The following OPCML variants were observed in gnomAD, a reference collection of about 807,000 sequenced individuals.
OPCML encodes opioid-binding protein/cell adhesion molecule.
A neutral mutation model predicts 37.8 loss-of-function variants in OPCML; 13 were observed. The ratio of observed to expected loss-of-function variants is 0.34; its 90% CI spans 0.22 to 0.55. The LOEUF is 0.55. Among genes scored for constraint, OPCML ranks in the 20% least tolerant of loss-of-function variants. The pLI is 0.91. For synonymous variants in OPCML, 176 were observed against 168.8 expected (o/e 1.04, Z -0.33); for missense variants, 341 against 435.6 (o/e 0.78, Z 1.93).
At chr11:133,345,102 A>G (rs1943966517) in intron 1 of OPCML, among the ~76,000 whole-genome samples, 1 of 152,156 alleles carries the variant, frequency 6.6e-6, no homozygotes, top group Non-Finnish European at 1.5e-5. Context: ...TATATCAAGC[A>G]CAGAGGCCTA....
intron 7 of OPCML, among the ~76,000 whole-genome samples, chr11:132,423,727 A>ATT (rs1026418173): frequency 1.8e-4 from 28 of 152,318 alleles, no homozygotes; most frequent in African/African-American, 6.5e-4. Context: ...GGTTGCTGCA[A>ATT]TTTAAGTAAT....
At chr11:133,306,504 T>C (rs1942922807) in intron 1 of OPCML, among the ~76,000 whole-genome samples, 1 of 152,182 alleles carries the variant, frequency 6.6e-6, no homozygotes, top group East Asian at 1.9e-4. Context: ...GTATAAAATA[T>C]GAGTTTTGAA....
Position 132,476,056 on chromosome 11 carries a change from G to T in OPCML, c.506-38697C>A, listed in dbSNP as rs115807150. Among the ~76,000 whole-genome samples, 1,259 of 152,162 alleles carry T rather than the reference G, an allele frequency of 8.3e-3. 8 individuals are homozygous for T. Among genetic ancestry groups the T allele is most frequent in the African/African-American group, 0.028 (1,163 of 41,508 alleles). On this transcript the variant is annotated intron_variant, in intron 4 of 7. Coordinates refer to ENST00000524381, the MANE Select transcript of OPCML (RefSeq NM_001012393.5). Reference sequence around the variant, plus strand: ...TGTAGAATCCTTAAAAGTACTTGACGCTATCAGCACTATGTAAGATACATA... The same window carrying T: ...TGTAGAATCCTTAAAAGTACTTGACTCTATCAGCACTATGTAAGATACATA...
intron 2 of OPCML, among the ~76,000 whole-genome samples, chr11:132,701,372 G>A (rs1341822797): frequency 2.0e-5 from 3 of 152,196 alleles, no homozygotes; most frequent in African/African-American, 7.2e-5. Context: ...TTTCAGTGTA[G>A]AGGCACAGCC....
Position 132,638,186 on chromosome 11 carries a change from T to TATATATATATATATATACAC in OPCML, c.379+18900_379+18901insGTGTATATATATATATATAT, listed in dbSNP as rs71067383. Among the ~76,000 whole-genome samples, 158 of 131,062 alleles carry TATATATATATATATATACAC rather than the reference T, an allele frequency of 1.2e-3. 1 individual carries two copies. The highest frequency in any genetic ancestry group is 4.0e-3 in the East Asian group (18 of 4,498). The allele number at this position is 131,062 out of a possible 152,430, so 86.0% of individuals were successfully genotyped here. On this transcript the variant is annotated intron_variant, in intron 3 of 7. Transcript: ENST00000524381. Reference sequence around the variant, plus strand: ...GACTATATATATATATATATATATATACAGAGAGAGAGAGAGCATATATAC... The same window carrying TATATATATATATATATACAC: ...GACTATATATATATATATATATATATATATATATATATATATACACACAGAGAGAGAGAGAGCATATATAC...
intron 1 of OPCML, among the ~76,000 whole-genome samples, chr11:133,357,088 A>G (rs1944306160): frequency 1.3e-5 from 2 of 152,218 alleles, no homozygotes; most frequent in South Asian, 4.1e-4. Context: ...ACTCATGGCC[A>G]CTTCTCGCAG....
At chr11:133,475,465 T>C (rs1947220512) in intron 1 of OPCML, among the ~76,000 whole-genome samples, 1 of 152,174 alleles carries the variant, frequency 6.6e-6, no homozygotes, top group African/African-American at 2.4e-5. Flanking sequence ...ACATCCAGCC[T>C]ATGCTCATGG....
intron 3 of OPCML, among the ~76,000 whole-genome samples, chr11:132,652,659 T>C (rs1941490642): frequency 6.6e-6 from 1 of 152,224 alleles, no homozygotes; most frequent in Admixed American, 6.5e-5. Flanking sequence ...TGACAAACAC[T>C]GTGCCATCTC....
chr11:132,516,202 G>A (rs1005696745), intron 4 of OPCML, among the ~76,000 whole-genome samples: 5 of 152,142 alleles, frequency 3.3e-5, no homozygotes, highest in East Asian at 1.9e-4. Context: ...AAGCTCACTC[G>A]TCATCCAGGG....
intron 2 of OPCML, among the ~76,000 whole-genome samples, chr11:132,723,886 G>A (rs1944770295): frequency 6.6e-6 from 1 of 152,204 alleles, no homozygotes; most frequent in Non-Finnish European, 1.5e-5. Flanking sequence ...CTAGAGAGAA[G>A]GGGGTGGAAA....
intron 2 of OPCML, among the ~76,000 whole-genome samples, chr11:132,691,663 T>G (rs978420514): frequency 6.6e-6 from 1 of 152,192 alleles, no homozygotes; most frequent in African/African-American, 2.4e-5. Flanking sequence ...AATTTTTTCA[T>G]CCTGTTAGCA....
At chr11:133,493,120 C>A (rs12284032) in intron 1 of OPCML, among the ~76,000 whole-genome samples, 1 of 152,178 alleles carries the variant, frequency 6.6e-6, no homozygotes, top group Non-Finnish European at 1.5e-5. Context: ...TGATGACAAG[C>A]GCAGGATTGA....
intron 2 of OPCML, among the ~76,000 whole-genome samples, chr11:132,917,600 C>A (rs549493463): frequency 2.0e-5 from 3 of 152,176 alleles, no homozygotes; most frequent in Non-Finnish European, 4.4e-5. Context: ...TGAGGTACCT[C>A]GTTCCCTCCA....
intron 1 of OPCML, among the ~76,000 whole-genome samples, chr11:133,133,606 T>C (rs1475738938): frequency 6.6e-6 from 1 of 152,114 alleles, no homozygotes; most frequent in Admixed American, 6.5e-5. Flanking sequence ...GGAAGTGTAG[T>C]AGCTCCCCTC....
intron 4 of OPCML, among the ~76,000 whole-genome samples, chr11:132,454,065 T>G (rs1386292096): frequency 6.6e-6 from 1 of 152,228 alleles, no homozygotes; most frequent in African/African-American, 2.4e-5. Flanking sequence ...AGATGCCTAC[T>G]ATGTGCACAA....
chr11:133,418,315 A>C lies in OPCML; in HGVS notation c.61+113949T>G, dbSNP rs376759996. On this transcript the variant is annotated intron_variant, in intron 1 of 7. Coordinates refer to ENST00000524381, the MANE Select transcript of OPCML (RefSeq NM_001012393.5). ...TGAAGGAAGGGTTCATCCAGTCATA[A>C]TGCAGACTAGATTTGATGATGTCTG... The C allele has an allele frequency of 2.3e-5, 23 of 985,278 alleles. No homozygotes were observed. The African/African-American group carries it at 3.3e-4, about 14-fold the overall frequency. 61.0% of individuals were successfully genotyped at this position (985,278 alleles called of 1,614,324 possible).
At chr11:133,090,852 A>C (rs1948894851) in intron 1 of OPCML, among the ~76,000 whole-genome samples, 1 of 152,256 alleles carries the variant, frequency 6.6e-6, no homozygotes, top group South Asian at 2.1e-4. Flanking sequence ...GAGAATACCC[A>C]GAGTATGGCC....
chr11:132,593,964 C>T (rs1359609662), intron 3 of OPCML, among the ~76,000 whole-genome samples: 5 of 152,096 alleles, frequency 3.3e-5, no homozygotes, highest in Admixed American at 6.5e-5. Flanking sequence ...TCAATTTTCT[C>T]GTAACAGTAA....
chr11:132,892,649 C>T (rs1943695950), intron 2 of OPCML, among the ~76,000 whole-genome samples: 1 of 152,104 alleles, frequency 6.6e-6, no homozygotes, highest in South Asian at 2.1e-4. Context: ...TGCCTCTAAT[C>T]CCAGCTACTC....
Sources: gnomAD v4.1 joint callset for allele counts (sites outside exome capture counted in the v4.1 genomes callset) on GRCh38, gnomAD v4.1.1 for gene constraint, MANE v1.5 for transcripts, NCBI Gene and HGNC (gene_info 2026-07-23, HGNC 2026-07-21) for gene names.